The following OPTC variants were observed in gnomAD, a reference collection of about 807,000 sequenced individuals.
OPTC encodes the protein oculoglycan.
In OPTC, 22 loss-of-function variants were observed where a neutral mutation model predicts 25.4. That is an observed-to-expected ratio of 0.87 (90% CI 0.62 to 1.24). The LOEUF (loss-of-function observed/expected upper bound fraction) is 1.24, where lower values mean the gene tolerates loss of function less well. Ranked by LOEUF, OPTC falls within the 50% of genes most tolerant of loss-of-function variation. The pLI, the probability that OPTC is intolerant of heterozygous loss-of-function variation, is 0.00. For synonymous variants in OPTC, 169 were observed against 179.3 expected (o/e 0.94, Z 0.46); for missense variants, 417 against 425.2 (o/e 0.98, Z 0.17).
At position 203,502,916 on chromosome 1, in the gene OPTC, A is replaced by G. The variant is rs1164875319; in HGVS notation, c.735A>G (p.Ala245=). 6.2e-7 allele frequency: 1 copy of G among 1,613,068 alleles called. No homozygotes were observed. The highest frequency in any genetic ancestry group is 1.7e-5 in the Admixed American group (1 of 60,022). Residue 245 remains alanine (A), a splice_region_variant and synonymous_variant, in exon 6 of 8, where the codon GCA becomes GCG. Transcript: ENST00000367222. The part of the protein sequence containing the change: ...SSGIQPAAFR[A]MEKLQFLYLS... ...TACACTCTTTGCTTTCTCCACAGGC[A>G]ATGGAGAAGCTGCAGTTCCTTTACC... is the stretch of plus-strand genomic sequence containing the variant.
chr1:203,504,589 A>G (rs1476495033), intron 7 of OPTC, among the ~76,000 whole-genome samples: 1 of 152,194 alleles, frequency 6.6e-6, no homozygotes, highest in African/African-American at 2.4e-5. Flanking sequence ...ACACCATCCT[A>G]CTGGGGCTGA....
At chr1:203,494,728 G>A (rs1297150407) in intron 1 of OPTC, among the ~76,000 whole-genome samples, 1 of 152,154 alleles carries the variant, frequency 6.6e-6, no homozygotes, top group African/African-American at 2.4e-5. Context: ...AGAAACTTGT[G>A]CAGCTAGCTT....
intron 3 of OPTC, among the ~76,000 whole-genome samples, chr1:203,497,925 C>T (rs1315964002): frequency 6.6e-6 from 1 of 152,154 alleles, no homozygotes; most frequent in Admixed American, 6.5e-5. Flanking sequence ...GAGAAGAGCT[C>T]CTTAATCTGG....
chr1:203,499,958 C>T lies in OPTC; in HGVS notation c.732+107C>T, dbSNP rs1661350441. The T allele has an allele frequency of 5.6e-6, 5 of 889,820 alleles. No individual in the cohort carries two copies. In the Admixed American group the frequency reaches 7.9e-5, roughly 14 times the overall value. The allele number at this position is 889,820 out of a possible 1,614,324, so 55.1% of individuals were successfully genotyped here. ...CACTCACCTCCACCACCACCCACCT[C>T]CACCTCTACCACCCACCTCCACCAT... On this transcript the variant is annotated intron_variant, in intron 5 of 7. Coordinates refer to ENST00000367222, the MANE Select transcript of OPTC (RefSeq NM_014359.4).
rs1388012152 is a variant in OPTC, at chr1:203,503,228, T to C, written c.828+219T>C. Among the ~76,000 whole-genome samples the C allele has an allele frequency of 2.0e-5, 3 of 152,194 alleles. 1 individual carries two copies. The highest frequency in any genetic ancestry group is 2.0e-4 in the Admixed American group (3 of 15,288). On this transcript the variant is annotated intron_variant, in intron 6 of 7. Transcript: ENST00000367222. ...CATTTTTTCTTTTTAAAACACTTTC[T>C]CTCCCTCCACCATTTTATTTTATCT...
intron 3 of OPTC, among the ~76,000 whole-genome samples, chr1:203,497,570 C>T (rs1303663964): frequency 6.6e-6 from 1 of 152,204 alleles, no homozygotes; most frequent in Non-Finnish European, 1.5e-5. Context: ...GCTCTCTTTC[C>T]TTCCCTGATG....
intron 7 of OPTC, among the ~76,000 whole-genome samples, chr1:203,506,499 C>T (rs1163549741): frequency 6.6e-6 from 1 of 151,782 alleles, no homozygotes; most frequent in Non-Finnish European, 1.5e-5. Context: ...AAAAGGTTTT[C>T]CAGAACTGGG....
At chr1:203,499,438 T>C (rs1346262167) in intron 4 of OPTC, among the ~76,000 whole-genome samples, 1 of 151,940 alleles carries the variant, frequency 6.6e-6, no homozygotes, top group Non-Finnish European at 1.5e-5. Context: ...AGGACAAAAC[T>C]CCAGGGAGGG....
intron 7 of OPTC, among the ~76,000 whole-genome samples, chr1:203,504,092 G>A (rs2102225123): frequency 6.6e-6 from 1 of 152,342 alleles, no homozygotes; most frequent in East Asian, 1.9e-4. Context: ...AGAGAAGGAA[G>A]AAGTGGGGAA....
intron 2 of OPTC, among the ~76,000 whole-genome samples, chr1:203,496,775 T>G (rs1426148988): frequency 2.0e-5 from 3 of 152,148 alleles, no homozygotes; most frequent in Non-Finnish European, 2.9e-5. Context: ...GGCCCCAGTT[T>G]CTTCATCCAT....
rs765286079 is a variant in OPTC at position 203,499,815 on chromosome 1, G to T, written c.696G>T (p.Arg232=). ...AGTTCCTGGATGTCCGCCTAAATCG[G>T]CTCCAGAGCTCGGGGATACAGCCTG... ...GIEFLDVRLN[R]LQSSGIQPAA... Residue 232 remains arginine, a synonymous_variant, in exon 5 of 8, where the codon CGG becomes CGT. Coordinates refer to ENST00000367222, the MANE Select transcript of OPTC (RefSeq NM_014359.4). 4 of 1,612,332 alleles carry T rather than the reference G, an allele frequency of 2.5e-6. No homozygotes were observed. Among genetic ancestry groups the T allele is most frequent in the African/African-American group, 1.3e-5 (1 of 74,766 alleles).
chr1:203,502,845 C>A, intron 5 of OPTC, 69 bp from the exon 6 acceptor site: 1 of 1,210,672 alleles, frequency 8.3e-7, no homozygotes, highest in Non-Finnish European at 1.2e-6. Context: ...TCTCTGGTCT[C>A]ATAGCCCTCC....
At chr1:203,498,294 A>G (rs1327770516) in intron 3 of OPTC, among the ~76,000 whole-genome samples, 1 of 152,230 alleles carries the variant, frequency 6.6e-6, no homozygotes, top group Non-Finnish European at 1.5e-5. Context: ...GGCAGATGGC[A>G]GAGCCAGCAA....
At chr1:203,507,488 C>A (rs988593138) in intron 7 of OPTC, among the ~76,000 whole-genome samples, 6 of 152,232 alleles carry the variant, frequency 3.9e-5, no homozygotes, top group African/African-American at 9.6e-5. Flanking sequence ...TGTGGCCCAG[C>A]AGCAACTCAT....
chr1:203,496,118 G>T lies in OPTC; in HGVS notation c.113G>T (p.Gly38Val), dbSNP rs759170176. The T allele has an allele frequency of 7.1e-5, 115 of 1,614,010 alleles. No homozygotes were observed. Among genetic ancestry groups the T allele is most frequent in the Middle Eastern group, 4.9e-4 (3 of 6,084 alleles). ...KRREEQMPRE[G>V]DSFEVLPLRN... ...AGAGAGGAGCAGATGCCCAGGGAAG[G>T]CGATTCCTTTGAAGTTCTGCCTCTG... Residue 38 changes from glycine (G) to valine (V), a missense_variant, in exon 2 of 8, where the codon GGC becomes GTC. Physicochemically the swap from Gly to Val is moderately radical, Grantham distance 109. Coordinates refer to ENST00000367222, the MANE Select transcript of OPTC (RefSeq NM_014359.4).
In OPTC at chr1:203,496,047, G is replaced by C. The variant is rs1203509375; in HGVS notation, c.42G>C (p.Leu14=). ...TCCTGAGTCTGCTGGCCTTGGTGCT[G>C]CAGGAGACAGGGACAGCTTCTCTCC... The part of the protein sequence containing the change: ...LAFLSLLALV[L]QETGTASLPR... Residue 14 remains leucine, a synonymous_variant, in exon 2 of 8, where the codon CTG becomes CTC. Coordinates refer to ENST00000367222, the MANE Select transcript of OPTC (RefSeq NM_014359.4). 1 of 1,613,792 alleles carries C rather than the reference G, an allele frequency of 6.2e-7. No homozygotes were observed. The highest frequency in any genetic ancestry group is 8.5e-7 in the Non-Finnish European group (1 of 1,179,938).
chr1:203,494,922 A>C lies in OPTC; in HGVS notation c.-42+705A>C, dbSNP rs189978579. 1.7e-3 allele frequency among the ~76,000 whole-genome samples: 263 copies of C among 152,320 alleles called. 1 individual carries two copies. The highest frequency in any genetic ancestry group is 5.9e-3 in the African/African-American group (245 of 41,574). On this transcript the variant is annotated intron_variant, in intron 1 of 7. Transcript: ENST00000367222. ...TGTGTGCACACACACACAAATATAC[A>C]CAGGTATCTAAGGAAATTTCCAGAT...
intron 3 of OPTC, 53 bp from the exon 4 acceptor site, chr1:203,498,628 T>C: frequency 1.2e-6 from 2 of 1,610,882 alleles, no homozygotes; most frequent in South Asian, 2.2e-5. Context: ...CGAGGGCCAT[T>C]GGCCCCAGAG....
intron 1 of OPTC, among the ~76,000 whole-genome samples, chr1:203,495,706 T>A (rs1257302708): frequency 6.6e-6 from 1 of 152,176 alleles, no homozygotes; most frequent in Non-Finnish European, 1.5e-5. Flanking sequence ...TTGAGATGTG[T>A]CTGCACATGC....
Sources: gnomAD v4.1 joint callset for allele counts (sites outside exome capture counted in the v4.1 genomes callset) on GRCh38, gnomAD v4.1.1 for gene constraint, MANE v1.5 for transcripts, NCBI Gene and HGNC (gene_info 2026-07-23, HGNC 2026-07-21) for gene names.